The following ITFG1 variants were observed in gnomAD, a reference collection of about 807,000 sequenced individuals.
ITFG1 encodes the protein integrin alpha FG-GAP repeat containing 1.
Under a neutral mutation model 81.8 loss-of-function variants are expected in ITFG1, and 34 were observed. The ratio of observed to expected loss-of-function variants is 0.42; its 90% CI spans 0.32 to 0.55. The LOEUF (loss-of-function observed/expected upper bound fraction) is 0.55. Ranked by LOEUF, ITFG1 falls within the 20% of genes least tolerant of loss-of-function variation. The probability of loss-of-function intolerance (pLI) is 0.17; values close to 1 mark genes in which losing one functional copy is unlikely to be tolerated. For missense variants in ITFG1, 672 were observed against 755.4 expected, an observed-to-expected ratio of 0.89 and a Z score of 1.29; for synonymous variants, 285 against 270.6, an observed-to-expected ratio of 1.05 and a Z score of -0.52.
chr16:47,180,258 A>G (rs1226038812), intron 14 of ITFG1, among the ~76,000 whole-genome samples: 2 of 152,060 alleles, frequency 1.3e-5, no homozygotes, highest in Non-Finnish European at 2.9e-5. Flanking sequence ...GAAGACATCT[A>G]TTTGGGCTTT....
At chr16:47,222,731 C>A (rs917298551) in intron 13 of ITFG1, among the ~76,000 whole-genome samples, 1 of 152,126 alleles carries the variant, frequency 6.6e-6, no homozygotes, top group Non-Finnish European at 1.5e-5. Context: ...GTTTCTTAAT[C>A]CTGAGTTCTA....
At chr16:47,368,538 A>T (rs1010960134) in intron 7 of ITFG1, among the ~76,000 whole-genome samples, 1 of 133,738 alleles carries the variant, frequency 7.5e-6, no homozygotes, top group Non-Finnish European at 1.6e-5. Context: ...CCTGGGTGAC[A>T]GAGCAAGACT....
chr16:47,210,142 A>G (rs1965546546), intron 14 of ITFG1, among the ~76,000 whole-genome samples: 1 of 152,206 alleles, frequency 6.6e-6, no homozygotes, highest in Non-Finnish European at 1.5e-5. Flanking sequence ...CAGAGTGACT[A>G]AAACATTTTA....
intron 6 of ITFG1, among the ~76,000 whole-genome samples, chr16:47,417,331 T>C (rs1968887470): frequency 6.6e-6 from 1 of 152,232 alleles, no homozygotes; most frequent in South Asian, 2.1e-4. Context: ...TACATGTGTA[T>C]AATATATAAT....
At chr16:47,260,823 C>T in intron 10 of ITFG1, 128 bp from the exon 11 acceptor site, 1 of 1,028,098 alleles carries the variant, frequency 9.7e-7, no homozygotes, top group East Asian at 2.6e-5. Flanking sequence ...AAAATCTCCA[C>T]ATTTTTTGTT....
Position 47,317,638 on chromosome 16 carries a change from A to AGGTG in ITFG1, c.803-3819_803-3816dup, listed in dbSNP as rs1421667909. Reference sequence around the variant, plus strand: ...AGATCTAACAAATCACAACCTCAGGAGGTGGGGCCCAGCACCTTGTATGTT... The same window carrying AGGTG: ...AGATCTAACAAATCACAACCTCAGGAGGTGGGTGGGGCCCAGCACCTTGTATGTT... On this transcript the variant is annotated intron_variant, in intron 8 of 17. Coordinates refer to ENST00000320640, the MANE Select transcript of ITFG1 (RefSeq NM_030790.5). The AGGTG allele has an allele frequency of 7.9e-5, 12 of 152,268 alleles. No homozygotes were observed. In the East Asian group the frequency reaches 2.3e-3, roughly 29 times the overall value. The allele number at this position is 152,268 out of a possible 1,614,324, so 9.4% of individuals were successfully genotyped here.
At chr16:47,295,382 G>GGTA (rs1567448858) in intron 10 of ITFG1, among the ~76,000 whole-genome samples, 1 of 152,094 alleles carries the variant, frequency 6.6e-6, no homozygotes, top group East Asian at 1.9e-4. Context: ...CAGTAGAACT[G>GGTA]GTACCAGTAC....
At chr16:47,162,299 A>ACT (rs1221051969) in intron 15 of ITFG1, among the ~76,000 whole-genome samples, 3 of 152,058 alleles carry the variant, frequency 2.0e-5, no homozygotes, top group Non-Finnish European at 2.9e-5. Flanking sequence ...GGATAGAGGG[A>ACT]TAGGTGACGT....
chr16:47,404,448 T>C (rs1236562813), intron 6 of ITFG1, among the ~76,000 whole-genome samples: 1 of 152,184 alleles, frequency 6.6e-6, no homozygotes, highest in Non-Finnish European at 1.5e-5. Flanking sequence ...AAATAACTCA[T>C]ATAAGCTAAA....
intron 8 of ITFG1, among the ~76,000 whole-genome samples, chr16:47,327,346 A>G (rs1221972506): frequency 6.6e-6 from 1 of 152,226 alleles, no homozygotes; most frequent in African/African-American, 2.4e-5. Flanking sequence ...AAAGACTTAC[A>G]TGTTAGACCT....
At chr16:47,375,109 T>C (rs535125269) in intron 7 of ITFG1, among the ~76,000 whole-genome samples, 2 of 152,336 alleles carry the variant, frequency 1.3e-5, no homozygotes, top group African/African-American at 2.4e-5. Context: ...CTACTGCATG[T>C]CAGGCATGTT....
intron 8 of ITFG1, among the ~76,000 whole-genome samples, chr16:47,362,035 T>C (rs893995190): frequency 9.9e-5 from 15 of 152,216 alleles, no homozygotes; most frequent in African/African-American, 3.6e-4. Context: ...AGCGTCTCAG[T>C]ACCCAATCCA....
intron 14 of ITFG1, among the ~76,000 whole-genome samples, chr16:47,217,807 C>A (rs2049881011): frequency 6.6e-6 from 1 of 152,024 alleles, no homozygotes; most frequent in African/African-American, 2.4e-5. Context: ...CACCTGTGGT[C>A]CCAGCTGCTC....
chr16:47,311,832 AG>A (rs1276520242), intron 9 of ITFG1: 1 of 153,822 alleles, frequency 6.5e-6, no homozygotes, highest in Non-Finnish European at 1.4e-5. Context: ...CCAACTTAGG[AG>A]GAAAGTTAGA....
intron 8 of ITFG1, among the ~76,000 whole-genome samples, chr16:47,319,658 T>G (rs879594071): frequency 1.3e-5 from 2 of 152,180 alleles, no homozygotes; most frequent in Non-Finnish European, 2.9e-5. Flanking sequence ...ACCACGTTTC[T>G]TGTTCCCTTC....
In ITFG1 at chr16:47,194,159, C is replaced by T. The variant is rs116447302; in HGVS notation, c.1453+24709G>A. ...CTGCATTTCTTCTTACTCACTTCTT[C>T]TGGTCCATGCATACCAATCCTTCAA... On this transcript the variant is annotated intron_variant, in intron 14 of 17. Transcript: ENST00000320640. 6.8e-3 allele frequency among the ~76,000 whole-genome samples: 1,034 copies of T among 152,310 alleles called. 13 individuals carry two copies. Among genetic ancestry groups the T allele is most frequent in the African/African-American group, 0.023 (965 of 41,564 alleles).
intron 13 of ITFG1, among the ~76,000 whole-genome samples, chr16:47,230,132 T>C (rs907274789): frequency 2.0e-5 from 3 of 152,052 alleles, no homozygotes; most frequent in African/African-American, 7.2e-5. Context: ...TGCGTCTTTG[T>C]GGATAAGGGG....
chr16:47,272,299 C>T lies in ITFG1; in HGVS notation c.1071-11604G>A, dbSNP rs1387189270. The stretch of plus-strand genomic sequence containing the variant: ...TAGGTCTGGTGGCAGTGGACGAAGT[C>T]GTAGGGGAATTGGAGAGTAACAGCT... On this transcript the variant is annotated intron_variant, in intron 10 of 17. Coordinates refer to ENST00000320640, the MANE Select transcript of ITFG1 (RefSeq NM_030790.5). 2.0e-5 allele frequency among the ~76,000 whole-genome samples: 3 copies of T among 152,098 alleles called. No individual in the cohort carries two copies. In the East Asian group the frequency reaches 5.8e-4, roughly 29 times the overall value.
intron 14 of ITFG1, among the ~76,000 whole-genome samples, chr16:47,172,632 T>C (rs1964975917): frequency 6.6e-6 from 1 of 152,168 alleles, no homozygotes; most frequent in Non-Finnish European, 1.5e-5. Flanking sequence ...CTCTTTTTCT[T>C]ATACCCTATA....
Sources: allele counts gnomAD v4.1 joint callset (sites outside exome capture counted in the v4.1 genomes callset), GRCh38; gene constraint gnomAD v4.1.1; transcripts MANE v1.5; gene names NCBI Gene and HGNC (gene_info 2026-07-23, HGNC 2026-07-21).